Variants in PCDHB13 observed in about 807,000 individuals in gnomAD.
The protein encoded by PCDHB13 is protocadherin beta 13.
For missense variants in PCDHB13, 1,065 were observed against 1,016.7 expected, an observed-to-expected ratio of 1.05 and a Z score of -0.65; for synonymous variants, 515 against 450.7, an observed-to-expected ratio of 1.14 and a Z score of -1.81.
At position 141,215,788 on chromosome 5, in the gene PCDHB13, C is replaced by G. The variant is rs377408073; in HGVS notation, c.1665C>G (p.Asn555Lys). Reference sequence around the variant, plus strand: ...TGCGCGTGGTGGTGCTGGACGCCAACGACAACTCGCCCTTCGTGCTGTACC... The same window carrying G: ...TGCGCGTGGTGGTGCTGGACGCCAAGGACAACTCGCCCTTCGTGCTGTACC... ...ALVRVVVLDA[N>K]DNSPFVLYPL... Residue 555 changes from asparagine (N) to lysine (K), a missense_variant, in exon 1 of 1, where the codon AAC (asparagine) becomes AAG (lysine). Transcript: ENST00000341948. 1.9e-6 allele frequency: 3 copies of G among 1,611,558 alleles called. No individual in the cohort carries two copies. The African/African-American group carries it at 4.0e-5, about 22-fold the overall frequency.
chr5:141,215,779 G>A lies in PCDHB13; in HGVS notation c.1656G>A (p.Leu552=), dbSNP rs782219392. Residue 552 remains leucine (L), a synonymous_variant, in exon 1 of 1, where the codon CTG becomes CTA. Transcript: ENST00000341948. ...SSEALVRVVV[L]DANDNSPFVL... is the part of the protein sequence containing the mutation. ...AGGCGCTGGTGCGCGTGGTGGTGCT[G>A]GACGCCAACGACAACTCGCCCTTCG... 9.9e-6 allele frequency: 16 copies of A among 1,611,618 alleles called. No homozygotes were observed. Among genetic ancestry groups the A allele is most frequent in the Non-Finnish European group, 1.3e-5 (15 of 1,179,720 alleles).
chr5:141,215,662 G>A lies in PCDHB13; in HGVS notation c.1539G>A (p.Leu513=), dbSNP rs140883957. 31 of 1,613,262 alleles carry A rather than the reference G, an allele frequency of 1.9e-5. No homozygotes were observed. Among genetic ancestry groups the A allele is most frequent in the African/African-American group, 2.7e-5 (2 of 74,926 alleles). ...CCATCAACGCGGACAACGGCCACCT[G>A]TTCGCCCTCAGGTCTCTGGACTACG... is the stretch of plus-strand genomic sequence containing the variant. ...LVSINADNGH[L]FALRSLDYEA... is the part of the protein sequence containing the mutation. The change falls in exon 1 of 1, where the codon CTG becomes CTA. Residue 513 remains leucine, a synonymous_variant. Transcript: ENST00000341948.
Position 141,216,388 on chromosome 5 carries a change from G to A in PCDHB13, c.2265G>A (p.Leu755=), listed in dbSNP as rs1563990206. ...AGAGCTACCAGTATGAGGTGTGTCT[G>A]GCAGGAGGCTCAGGGACCAATGAGT... ...LSQSYQYEVC[L]AGGSGTNEFK... The change falls in exon 1 of 1, where the codon CTG becomes CTA. Residue 755 remains leucine (L), a synonymous_variant. Transcript: ENST00000341948. The A allele has an allele frequency of 1.9e-6, 3 of 1,614,176 alleles. No homozygotes were observed. The highest frequency in any genetic ancestry group is 1.1e-5 in the South Asian group (1 of 91,084).
rs371939349 is a variant in PCDHB13, at chr5:141,215,720, G to A, written c.1597G>A (p.Ala533Thr). The A allele has an allele frequency of 3.0e-5, 49 of 1,612,422 alleles. No homozygotes were observed. Among genetic ancestry groups the A allele is most frequent in the Middle Eastern group, 2.1e-4 (1 of 4,868 alleles). The change falls in exon 1 of 1, where the codon GCT becomes ACT. Residue 533 changes from alanine to threonine, a missense_variant. Transcript: ENST00000341948. ...ALQGFQFRVG[A>T]SDHGSPALSS... ...GCAGGGGTTCCAGTTCCGCGTGGGC[G>A]CTTCAGACCACGGCTCCCCGGCGCT... is the stretch of plus-strand genomic sequence containing the variant.
At position 141,216,284 on chromosome 5, in the gene PCDHB13, T is replaced by G; in HGVS notation, c.2161T>G (p.Ser721Ala). 6.2e-7 allele frequency: 1 copy of G among 1,613,980 alleles called. No homozygotes were observed. The highest frequency in any genetic ancestry group is 8.5e-7 in the Non-Finnish European group (1 of 1,180,028). Residue 721 changes from serine (S) to alanine (A), a missense_variant, in exon 1 of 1, where the codon TCG (serine) becomes GCG (alanine). Physicochemically the swap from Ser to Ala is moderately conservative, Grantham distance 99. Transcript: ENST00000341948. Reference sequence around the variant, plus strand: ...GCTGTGTAGGAGGAGCAGGGCGGCCTCGGTGGGTCGCTGCTTGGTGCCCGA... The same window carrying G: ...GCTGTGTAGGAGGAGCAGGGCGGCCGCGGTGGGTCGCTGCTTGGTGCCCGA... ...VRLCRRSRAA[S>A]VGRCLVPEGP...
rs782112922 is a variant in PCDHB13, at chr5:141,215,646, C to T, written c.1523C>T (p.Ala508Val). 9.9e-6 allele frequency: 16 copies of T among 1,613,340 alleles called. No individual in the cohort carries two copies. The Admixed American group carries it at 2.2e-4, about 22-fold the overall frequency. ...CTCACATCCCTGGTCTCCATCAACG[C>T]GGACAACGGCCACCTGTTCGCCCTC... is the stretch of plus-strand genomic sequence containing the variant. ...LPLTSLVSINADNGHLFALRS... is the reference protein window; with the variant it reads ...LPLTSLVSINVDNGHLFALRS... The change falls in exon 1 of 1, where the codon GCG (alanine) becomes GTG (valine). Residue 508 changes from alanine (A) to valine (V), a missense_variant. Ala to Val is a moderately conservative substitution (Grantham distance 64). Transcript: ENST00000341948.
In PCDHB13 at chr5:141,215,810, T is replaced by C. The variant is rs1554288031; in HGVS notation, c.1687T>C (p.Tyr563His). Residue 563 changes from tyrosine (Y) to histidine (H), a missense_variant, in exon 1 of 1, where the codon TAC becomes CAC. Physicochemically the swap from Tyr to His is moderately conservative, Grantham distance 83. Coordinates refer to ENST00000341948, the MANE Select transcript of PCDHB13 (RefSeq NM_018933.4). Reference sequence around the variant, plus strand: ...CAACGACAACTCGCCCTTCGTGCTGTACCCGCTGCAGAACGGCTCCGCGCC... The same window carrying C: ...CAACGACAACTCGCCCTTCGTGCTGCACCCGCTGCAGAACGGCTCCGCGCC... ...DANDNSPFVL[Y>H]PLQNGSAPCT... The C allele has an allele frequency of 1.2e-6, 2 of 1,611,208 alleles. No homozygotes were observed. Among genetic ancestry groups the C allele is most frequent in the African/African-American group, 1.3e-5 (1 of 74,846 alleles).
In PCDHB13 at chr5:141,216,843, A is replaced by C. The variant is rs1245593441; in HGVS notation, c.*323A>C. 1 of 349,894 alleles carries C rather than the reference A, an allele frequency of 2.9e-6. No individual in the cohort carries two copies. The highest frequency in any genetic ancestry group is 5.5e-6 in the Non-Finnish European group (1 of 181,978). The allele number at this position is 349,894 out of a possible 1,614,324, so 21.7% of individuals were successfully genotyped here. On this transcript the variant is annotated 3_prime_UTR_variant, in exon 1 of 1. Transcript: ENST00000341948. ...TGCTTATGGTAAAATTAAATAGAGC[A>C]ATTTGGAAGTGATTCCAATTTTCCA...
rs782616081 is a variant in PCDHB13, at chr5:141,215,973, T to G, written c.1850T>G (p.Val617Gly). Reference sequence around the variant, plus strand: ...GCCACGGAGCTCGGTCTGTTCGGCGTGTGGGCGCACAATGGCGAGGTGCGC... The same window carrying G: ...GCCACGGAGCTCGGTCTGTTCGGCGGGTGGGCGCACAATGGCGAGGTGCGC... ...LKATELGLFG[V>G]WAHNGEVRTA... The change falls in exon 1 of 1, where the codon GTG (valine) becomes GGG (glycine). Residue 617 changes from valine (V) to glycine (G), a missense_variant. Coordinates refer to ENST00000341948, the MANE Select transcript of PCDHB13 (RefSeq NM_018933.4). The G allele has an allele frequency of 6.2e-7, 1 of 1,607,342 alleles. No individual in the cohort carries two copies. The highest frequency in any genetic ancestry group is 1.1e-5 in the South Asian group (1 of 90,924).
chr5:141,215,700 G>C lies in PCDHB13; in HGVS notation c.1577G>C (p.Gly526Ala), dbSNP rs1754583345. 1 of 1,612,762 alleles carries C rather than the reference G, an allele frequency of 6.2e-7. No individual in the cohort carries two copies. The highest frequency in any genetic ancestry group is 1.3e-5 in the African/African-American group (1 of 74,906). ...LRSLDYEALQ[G>A]FQFRVGASDH... is the part of the protein sequence containing the mutation. ...TCTCTGGACTACGAGGCCCTGCAGGGGTTCCAGTTCCGCGTGGGCGCTTCA... is the reference window on the plus strand; with the variant it reads ...TCTCTGGACTACGAGGCCCTGCAGGCGTTCCAGTTCCGCGTGGGCGCTTCA... The change falls in exon 1 of 1, where the codon GGG (glycine) becomes GCG (alanine). Residue 526 changes from glycine (G) to alanine (A), a missense_variant. Transcript: ENST00000341948.
Position 141,215,548 on chromosome 5 carries a change from T to C in PCDHB13, c.1425T>C (p.Ala475=), listed in dbSNP as rs142680277. 148 of 1,613,742 alleles carry C rather than the reference T, an allele frequency of 9.2e-5. 1 individual carries two copies. The highest frequency in any genetic ancestry group is 8.8e-4 in the Admixed American group (53 of 60,010). ...CCCTGCACATCCGCAGCGTCAGCGC[T>C]ACAGACAGAGACTCAGGCACCAACG... ...SPALHIRSVS[A]TDRDSGTNAQ... Residue 475 remains alanine (A), a synonymous_variant, in exon 1 of 1, where the codon GCT becomes GCC. Coordinates refer to ENST00000341948, the MANE Select transcript of PCDHB13 (RefSeq NM_018933.4).
chr5:141,215,393 A>C lies in PCDHB13; in HGVS notation c.1270A>C (p.Thr424Pro). The C allele has an allele frequency of 6.2e-7, 1 of 1,614,208 alleles. No individual in the cohort carries two copies. The highest frequency in any genetic ancestry group is 8.5e-7 in the Non-Finnish European group (1 of 1,180,038). Residue 424 changes from threonine (T) to proline (P), a missense_variant, in exon 1 of 1, where the codon ACT becomes CCT. By Grantham distance (38) the Thr-to-Pro change is conservative (BLOSUM62 -1). Transcript: ENST00000341948. ...RAEYNITITV[T>P]DLGTPMLITQ... Reference sequence around the variant, plus strand: ...GGAATACAACATCACTATCACTGTCACTGACTTGGGGACCCCTATGCTGAT... The same window carrying C: ...GGAATACAACATCACTATCACTGTCCCTGACTTGGGGACCCCTATGCTGAT...
In PCDHB13 at chr5:141,215,353, C is replaced by CAG. The variant is rs781987347; in HGVS notation, c.1234_1235dup (p.Ser413LysfsTer20). Reference sequence around the variant, plus strand: ...CCCTACTAACGGAGAGACCACTAGACAGAGAAAGCAGAGCGGAATACAACA... The same window carrying CAG: ...CCCTACTAACGGAGAGACCACTAGACAGAGAGAAAGCAGAGCGGAATACAACA... On this transcript the variant is annotated frameshift_variant, in exon 1 of 1. Transcript: ENST00000341948. LOFTEE classifies it low-confidence loss of function (END_TRUNC). 14 of 1,614,072 alleles carry CAG rather than the reference C, an allele frequency of 8.7e-6. No individual in the cohort carries two copies. Among genetic ancestry groups the CAG allele is most frequent in the Non-Finnish European group, 1.2e-5 (14 of 1,180,040 alleles).
Position 141,215,270 on chromosome 5 carries a change from A to T in PCDHB13, c.1147A>T (p.Ser383Cys), listed in dbSNP as rs782065246. ...TGATTCAGGAGAAAATGGGAAAATT[A>T]GTTGCTCCATTCAGGAGGATCTACC... ...DLDSGENGKI[S>C]CSIQEDLPFL... Residue 383 changes from serine (S) to cysteine (C), a missense_variant, in exon 1 of 1, where the codon AGT (serine) becomes TGT (cysteine). Transcript: ENST00000341948. The T allele has an allele frequency of 5.6e-6, 9 of 1,614,088 alleles. No individual in the cohort carries two copies. The highest frequency in any genetic ancestry group is 7.6e-6 in the Non-Finnish European group (9 of 1,180,010).
At position 141,213,963 on chromosome 5, in the gene PCDHB13, C is replaced by T. The variant is rs1754512921; in HGVS notation, c.-161C>T. 24 of 609,346 alleles carry T rather than the reference C, an allele frequency of 3.9e-5. No homozygotes were observed. In the South Asian group the frequency reaches 4.9e-4, roughly 12 times the overall value. The allele number at this position is 609,346 out of a possible 1,614,324, so 37.7% of individuals were successfully genotyped here. A position where few individuals can be genotyped will look rare whatever the true frequency, so the allele number is the denominator to read the frequency against. ...AAAAGCAGCAGAACCTGGAAGTCCACGGGGAGCTTGGATGCCAAAGGGAGG... is the reference window on the plus strand; with the variant it reads ...AAAAGCAGCAGAACCTGGAAGTCCATGGGGAGCTTGGATGCCAAAGGGAGG... On this transcript the variant is annotated 5_prime_UTR_variant, in exon 1 of 1. In the 5' UTR this introduces an upstream ATG that the reference lacks. Coordinates refer to ENST00000341948, the MANE Select transcript of PCDHB13 (RefSeq NM_018933.4).
At position 141,216,714 on chromosome 5, in the gene PCDHB13, A is replaced by G. The variant is rs1754625270; in HGVS notation, c.*194A>G. 1.4e-6 allele frequency: 1 copy of G among 703,706 alleles called. No homozygotes were observed. The highest frequency in any genetic ancestry group is 1.8e-5 in the African/African-American group (1 of 56,042). The allele number at this position is 703,706 out of a possible 1,614,324, so 43.6% of individuals were successfully genotyped here. A position where few individuals can be genotyped will look rare whatever the true frequency, so the allele number is the denominator to read the frequency against. On this transcript the variant is annotated 3_prime_UTR_variant, in exon 1 of 1. Transcript: ENST00000341948. ...CTTAAAAGGTGACAATTCATTCTTT[A>G]ACCCAGATGGTCTTAATTTGTAATT...
At position 141,214,301 on chromosome 5, in the gene PCDHB13, T is replaced by A; in HGVS notation, c.178T>A (p.Phe60Ile). The A allele has an allele frequency of 6.7e-7, 1 of 1,497,914 alleles. No homozygotes were observed. The allele number at this position is 1,497,914 out of a possible 1,614,324, so 92.8% of individuals were successfully genotyped here. A position where few individuals can be genotyped will look rare whatever the true frequency, so the allele number is the denominator to read the frequency against. The change falls in exon 1 of 1, where the codon TTC becomes ATC. Residue 60 changes from phenylalanine (F) to isoleucine (I), a missense_variant. Phe to Ile is a conservative substitution (Grantham distance 21, BLOSUM62 0). Transcript: ENST00000341948. ...AKDLGLEQRE[F>I]SRRGVRVVSR... is the part of the protein sequence containing the mutation. ...GGACCTGGGTCTGGAGCAGAGGGAA[T>A]TCTCCAGGCGGGGGGTTAGGGTTGT...
rs782528374 is a variant in PCDHB13 at position 141,215,667 on chromosome 5, C to T, written c.1544C>T (p.Ala515Val). Residue 515 changes from alanine (A) to valine (V), a missense_variant, in exon 1 of 1, where the codon GCC becomes GTC. Physicochemically the swap from Ala to Val is moderately conservative, Grantham distance 64. Transcript: ENST00000341948. ...SINADNGHLF[A>V]LRSLDYEALQ... The stretch of plus-strand genomic sequence containing the variant: ...AACGCGGACAACGGCCACCTGTTCG[C>T]CCTCAGGTCTCTGGACTACGAGGCC... 1.1e-5 allele frequency: 18 copies of T among 1,613,344 alleles called. No homozygotes were observed. Among genetic ancestry groups the T allele is most frequent in the Non-Finnish European group, 1.5e-5 (18 of 1,180,018 alleles).
At position 141,215,758 on chromosome 5, in the gene PCDHB13, G is replaced by T. The variant is rs1554288011; in HGVS notation, c.1635G>T (p.Ala545=). The T allele has an allele frequency of 1.2e-6, 2 of 1,611,964 alleles. No individual in the cohort carries two copies. The highest frequency in any genetic ancestry group is 1.7e-5 in the Admixed American group (1 of 60,002). ...DHGSPALSSE[A]LVRVVVLDAN... is the part of the protein sequence containing the mutation. ...GCTCCCCGGCGCTGAGCAGCGAGGC[G>T]CTGGTGCGCGTGGTGGTGCTGGACG... The change falls in exon 1 of 1, where the codon GCG becomes GCT. Residue 545 remains alanine, a synonymous_variant. Coordinates refer to ENST00000341948, the MANE Select transcript of PCDHB13 (RefSeq NM_018933.4).
Sources: allele counts gnomAD v4.1 joint callset, GRCh38; gene constraint gnomAD v4.1.1; transcripts MANE v1.5; gene names NCBI Gene and HGNC (gene_info 2026-07-23, HGNC 2026-07-21).